The following AKAP8L variants were observed in gnomAD, a reference collection of about 807,000 sequenced individuals.
AKAP8L encodes the protein A-kinase anchoring protein 8 like, also known as A-kinase anchor protein 8-like.
AKAP8L carries 34 observed loss-of-function variants against 77.5 expected under a neutral mutation model. The observed-to-expected ratio is 0.44, with a 90% CI of 0.33 to 0.58. The LOEUF (loss-of-function observed/expected upper bound fraction) is 0.58, where lower values mean the gene tolerates loss of function less well. Ranked by LOEUF, AKAP8L falls within the 20% of genes least tolerant of loss-of-function variation. The probability of loss-of-function intolerance (pLI) is 0.02; values close to 1 mark genes in which losing one functional copy is unlikely to be tolerated. For synonymous variants in AKAP8L, 342 were observed against 340.7 expected, an observed-to-expected ratio of 1.00 and a Z score of -0.04; for missense variants, 806 against 887.6, an observed-to-expected ratio of 0.91 and a Z score of 1.17.
In AKAP8L at chr19:15,380,076, G is replaced by T. The variant is rs889564066; in HGVS notation, c.*46C>A. 1.4e-6 allele frequency: 2 copies of T among 1,398,638 alleles called. No individual in the cohort carries two copies. The highest frequency in any genetic ancestry group is 1.5e-5 in the African/African-American group (1 of 64,722). 86.6% of individuals were successfully genotyped at this position (1,398,638 alleles called of 1,614,324 possible). ...GGGATGGGAAAACTTTATTAGGTTT[G>T]GTTTCCAGCTTCGGCCACGCGGGCT... is the stretch of plus-strand genomic sequence containing the variant. On this transcript the variant is annotated 3_prime_UTR_variant, in exon 14 of 14. Transcript: ENST00000397410.
intron 2 of AKAP8L, among the ~76,000 whole-genome samples, chr19:15,408,160 C>T (rs1049644594): frequency 2.0e-5 from 3 of 151,338 alleles, no homozygotes; most frequent in Admixed American, 1.3e-4. Flanking sequence ...TGCTGCTGAA[C>T]GAAATTTAGA....
chr19:15,380,351 GC>G lies in AKAP8L; in HGVS notation c.1711del (p.Ala571ArgfsTer?). ...CGAGATCCCTGCCGCTTCGCCCTGCGCCCCCTCGTCCAGGGCACCGCCCTCA... is the reference window on the plus strand; with the variant it reads ...CGAGATCCCTGCCGCTTCGCCCTGCGCCCCTCGTCCAGGGCACCGCCCTCA... ...EAEGGALDEG[A>X]QGEAAGISEG... On this transcript the variant is annotated frameshift_variant, in exon 14 of 14. Transcript: ENST00000397410. LOFTEE classifies it high-confidence loss of function. 6.5e-7 allele frequency: 1 copy of G among 1,549,260 alleles called. No individual in the cohort carries two copies.
At chr19:15,400,563 C>T in intron 7 of AKAP8L, 1 of 719,474 alleles carries the variant, frequency 1.4e-6, no homozygotes, top group Non-Finnish European at 2.3e-6. Flanking sequence ...TGCCAGAAAC[C>T]TCACATCCTC....
intron 4 of AKAP8L, among the ~76,000 whole-genome samples, chr19:15,402,812 A>T (rs1269543604): frequency 2.6e-5 from 4 of 152,186 alleles, no homozygotes; most frequent in Non-Finnish European, 5.9e-5. Flanking sequence ...TTCAGTTAAT[A>T]ACAAATGCCC....
In AKAP8L at chr19:15,398,822, C is replaced by T. The variant is rs1967829785; in HGVS notation, c.1157+480G>A. 1 of 1,016,806 alleles carries T rather than the reference C, an allele frequency of 9.8e-7. No homozygotes were observed. Among genetic ancestry groups the T allele is most frequent in the Non-Finnish European group, 1.2e-6 (1 of 849,124 alleles). 63.0% of individuals were successfully genotyped at this position (1,016,806 alleles called of 1,614,324 possible). ...TGAAGGGCTCAGCCGCAGACAGGCC[C>T]GGCCTGACAGGGCCGGCGGGCAGGG... On this transcript the variant is annotated intron_variant, in intron 9 of 13. Transcript: ENST00000397410. This position sits in a 1 kb window ranked among gnomAD's most constrained non-coding sequence, Gnocchi z 9.2.
At chr19:15,404,140 G>T in intron 2 of AKAP8L, 98 bp from the exon 3 acceptor site, 2 of 1,302,232 alleles carry the variant, frequency 1.5e-6, no homozygotes, top group Non-Finnish European at 2.2e-6. Context: ...ACTGGTCAGA[G>T]CAGGCTGCAC....
Position 15,380,233 on chromosome 19 carries a change from C to G in AKAP8L, c.1830G>C (p.Glu610Asp). 2 of 1,508,682 alleles carry G rather than the reference C, an allele frequency of 1.3e-6. No homozygotes were observed. The highest frequency in any genetic ancestry group is 1.8e-6 in the Non-Finnish European group (2 of 1,137,298). 93.5% of individuals were successfully genotyped at this position (1,508,682 alleles called of 1,614,324 possible). The change falls in exon 14 of 14, where the codon GAG (glutamate) becomes GAC (aspartate). Residue 610 changes from glutamate to aspartate, a missense_variant. By Grantham distance (45) the Glu-to-Asp change is conservative. Coordinates refer to ENST00000397410, the MANE Select transcript of AKAP8L (RefSeq NM_014371.4). ...GCAAGGGCACGGCGCCCTCCTCCTC[C>G]TCCTCTGGGGGCGGCGGCGGTGGCG... is the stretch of plus-strand genomic sequence containing the variant. ...VSPPPPPPPE[E>D]EEEGAVPLLG...
intron 12 of AKAP8L, among the ~76,000 whole-genome samples, chr19:15,382,656 G>C (rs1057373238): frequency 6.6e-6 from 1 of 152,144 alleles, no homozygotes; most frequent in Non-Finnish European, 1.5e-5. Context: ...CATTTACTTT[G>C]TCATGTCTGT....
chr19:15,411,866 C>A (rs1316768411), intron 1 of AKAP8L, among the ~76,000 whole-genome samples: 1 of 152,004 alleles, frequency 6.6e-6, no homozygotes, highest in Non-Finnish European at 1.5e-5. Flanking sequence ...CCAGCCTGGC[C>A]AACATGGTGA....
At chr19:15,410,038 G>A (rs1968078031) in intron 2 of AKAP8L, among the ~76,000 whole-genome samples, 1 of 152,084 alleles carries the variant, frequency 6.6e-6, no homozygotes, top group African/African-American at 2.4e-5. Context: ...TGCCTCCCGG[G>A]TTCAAGTGAT....
intron 2 of AKAP8L, among the ~76,000 whole-genome samples, chr19:15,407,349 C>T (rs1453005547): frequency 1.3e-5 from 2 of 152,128 alleles, no homozygotes; most frequent in Non-Finnish European, 2.9e-5. Flanking sequence ...AAAAATTAAA[C>T]ATTAATATGG....
At chr19:15,381,378 G>A (rs1416663180) in intron 12 of AKAP8L, among the ~76,000 whole-genome samples, 2 of 152,170 alleles carry the variant, frequency 1.3e-5, no homozygotes, top group Non-Finnish European at 2.9e-5. Flanking sequence ...CATAAGAAAG[G>A]TGTATAATAT....
rs192669854 is a variant in AKAP8L at position 15,416,288 on chromosome 19, T to C, written c.13+2623A>G. On this transcript the variant is annotated intron_variant, in intron 1 of 13. Transcript: ENST00000397410. Reference sequence around the variant, plus strand: ...TCTCCATTCCTGCCTCTTAACGTTATGTAGATCCCTCCCAACTAATAGAGC... The same window carrying C: ...TCTCCATTCCTGCCTCTTAACGTTACGTAGATCCCTCCCAACTAATAGAGC... 5.3e-5 allele frequency among the ~76,000 whole-genome samples: 8 copies of C among 152,320 alleles called. No individual in the cohort carries two copies. The South Asian group carries it at 6.2e-4, about 12-fold the overall frequency.
intron 2 of AKAP8L, among the ~76,000 whole-genome samples, chr19:15,405,509 G>A (rs1298954384): frequency 1.3e-5 from 2 of 151,258 alleles, no homozygotes; most frequent in South Asian, 2.1e-4. Context: ...CAGCCTGGGC[G>A]ACACGGTGAA....
chr19:15,387,486 T>C (rs1253975310), intron 12 of AKAP8L, among the ~76,000 whole-genome samples: 2 of 151,854 alleles, frequency 1.3e-5, no homozygotes, highest in Non-Finnish European at 2.9e-5. Context: ...TAAACACTGA[T>C]AGCTTTGTCC....
intron 2 of AKAP8L, among the ~76,000 whole-genome samples, chr19:15,405,720 G>A (rs1342166614): frequency 6.6e-6 from 1 of 151,648 alleles, no homozygotes; most frequent in Non-Finnish European, 1.5e-5. Flanking sequence ...TCAGGAGTTC[G>A]AGACCAGCCT....
chr19:15,411,581 G>A (rs555867810), intron 1 of AKAP8L, among the ~76,000 whole-genome samples: 6 of 152,224 alleles, frequency 3.9e-5, no homozygotes, highest in East Asian at 1.9e-4. Context: ...CTATGATTGC[G>A]CCACTGCATT....
chr19:15,403,250 A>C lies in AKAP8L; in HGVS notation c.362+225T>G. On this transcript the variant is annotated intron_variant, in intron 4 of 13. Transcript: ENST00000397410. The surrounding 1 kb of genome is among the most constrained non-coding windows in gnomAD (Gnocchi z 4.3). ...GTCTGGGCTTGTTCCTCTCACCGCA[A>C]GCTGGGAAAGGCTGACCACCAGGCA... is the stretch of plus-strand genomic sequence containing the variant. 1.8e-6 allele frequency: 1 copy of C among 564,718 alleles called. No homozygotes were observed. The allele number at this position is 564,718 out of a possible 1,614,324, so 35.0% of individuals were successfully genotyped here.
At chr19:15,418,025 T>C (rs1482651945) in intron 1 of AKAP8L, among the ~76,000 whole-genome samples, 1 of 152,218 alleles carries the variant, frequency 6.6e-6, no homozygotes, top group Non-Finnish European at 1.5e-5. Flanking sequence ...AGCCAGGCAG[T>C]TCCTGCCCGT....
Sources: allele counts gnomAD v4.1 joint callset (sites outside exome capture counted in the v4.1 genomes callset), GRCh38; gene constraint gnomAD v4.1.1; non-coding constraint Gnocchi (gnomAD v3.1); transcripts MANE v1.5; gene names NCBI Gene and HGNC (gene_info 2026-07-23, HGNC 2026-07-21).